HSD17B4: variants seen among roughly 807,000 people sequenced by gnomAD.
The protein encoded by HSD17B4 is peroxisomal multifunctional enzyme type 2.
In HSD17B4, 70 loss-of-function variants were observed where a neutral mutation model predicts 101.0. The observed-to-expected ratio is 0.69, with a 90% CI of 0.57 to 0.85. HSD17B4 has a LOEUF of 0.85. HSD17B4 is among the 40% of genes least tolerant of loss of function. The pLI is 0.00. For missense variants in HSD17B4, 984 were observed against 892.4 expected, an observed-to-expected ratio of 1.10 and a Z score of -1.31; for synonymous variants, 347 against 297.1, an observed-to-expected ratio of 1.17 and a Z score of -1.73.
chr5:119,495,480 C>T (rs1750553349), intron 11 of HSD17B4, among the ~76,000 whole-genome samples: 1 of 152,062 alleles, frequency 6.6e-6, no homozygotes, highest in Non-Finnish European at 1.5e-5. Flanking sequence ...CTAAACTAGC[C>T]AGTGTTTGAG....
intron 2 of HSD17B4, among the ~76,000 whole-genome samples, chr5:119,469,991 C>T (rs894650181): frequency 4.6e-5 from 7 of 152,162 alleles, no homozygotes; most frequent in South Asian, 2.1e-4. Flanking sequence ...GGTAGATCCT[C>T]CATGGGAGGG....
At chr5:119,472,819 T>C (rs548871272) in intron 2 of HSD17B4, among the ~76,000 whole-genome samples, 12 of 152,360 alleles carry the variant, frequency 7.9e-5, no homozygotes, top group African/African-American at 2.2e-4. Context: ...CATTCTATTT[T>C]GTGATTCTAT....
chr5:119,538,576 T>C (rs1754723647), intron 23 of HSD17B4, among the ~76,000 whole-genome samples: 1 of 152,198 alleles, frequency 6.6e-6, no homozygotes, highest in African/African-American at 2.4e-5. Flanking sequence ...AAAATCCAAG[T>C]TAGCTGTTAC....
At chr5:119,502,396 GT>G (rs1366651443) in intron 14 of HSD17B4, among the ~76,000 whole-genome samples, 22 of 152,010 alleles carry the variant, frequency 1.4e-4, no homozygotes, top group Non-Finnish European at 2.9e-4. Flanking sequence ...CATATAATCT[GT>G]TATGGTTCTT....
intron 2 of HSD17B4, among the ~76,000 whole-genome samples, chr5:119,457,307 C>G (rs1349656009): frequency 2.0e-5 from 3 of 152,168 alleles, no homozygotes; most frequent in Non-Finnish European, 4.4e-5. Context: ...GACATCTTAA[C>G]GAGGCAATAC....
At chr5:119,507,034 T>A in intron 15 of HSD17B4, 145 bp downstream of exon 15, 1 of 537,570 alleles carries the variant, frequency 1.9e-6, no homozygotes, top group South Asian at 2.1e-5. Context: ...TTAAACTCTT[T>A]AAGAAAAATA....
chr5:119,518,586 G>A (rs1161260167), intron 17 of HSD17B4, among the ~76,000 whole-genome samples: 3 of 152,182 alleles, frequency 2.0e-5, no homozygotes, highest in Non-Finnish European at 4.4e-5. Flanking sequence ...AGAGCATGAC[G>A]TGTGTATAAG....
chr5:119,465,684 A>G (rs1349975226), intron 2 of HSD17B4, among the ~76,000 whole-genome samples: 1 of 152,234 alleles, frequency 6.6e-6, no homozygotes, highest in Non-Finnish European at 1.5e-5. Flanking sequence ...CTATTCTGCA[A>G]CTTTACTGTA....
At chr5:119,537,293 T>A (rs992135461) in intron 23 of HSD17B4, among the ~76,000 whole-genome samples, 1 of 152,172 alleles carries the variant, frequency 6.6e-6, no homozygotes, top group Non-Finnish European at 1.5e-5. Context: ...TAAAAAGTAG[T>A]CTTTGGCATC....
intron 2 of HSD17B4, among the ~76,000 whole-genome samples, chr5:119,460,049 G>A (rs1336555508): frequency 6.7e-6 from 1 of 149,080 alleles, no homozygotes; most frequent in Non-Finnish European, 1.5e-5. Context: ...TTTTTTTTTT[G>A]TATTTTTAGT....
chr5:119,468,319 A>G (rs1756016230), intron 2 of HSD17B4, among the ~76,000 whole-genome samples: 1 of 151,676 alleles, frequency 6.6e-6, no homozygotes, highest in South Asian at 2.1e-4. Context: ...AAATTCTCTC[A>G]GTTTTTTCTT....
intron 2 of HSD17B4, among the ~76,000 whole-genome samples, chr5:119,464,970 A>G (rs1755669779): frequency 6.7e-6 from 1 of 149,480 alleles, no homozygotes; most frequent in African/African-American, 2.5e-5. Context: ...TTTGCTCAGT[A>G]TTGCTTTGGT....
chr5:119,498,986 A>G (rs1325736508), intron 12 of HSD17B4, among the ~76,000 whole-genome samples: 1 of 152,162 alleles, frequency 6.6e-6, no homozygotes, highest in Non-Finnish European at 1.5e-5. Context: ...CTTACAAGCA[A>G]TTTACTATCC....
At chr5:119,498,613 C>T (rs1750863562) in intron 12 of HSD17B4, among the ~76,000 whole-genome samples, 1 of 152,218 alleles carries the variant, frequency 6.6e-6, no homozygotes, top group South Asian at 2.1e-4. Context: ...CGCAGTGGCT[C>T]ACGCCTGTAA....
intron 15 of HSD17B4, 53 bp from the exon 16 acceptor site, chr5:119,509,088 G>A (rs1398232054): frequency 3.1e-6 from 3 of 969,718 alleles, no homozygotes; most frequent in Middle Eastern, 2.9e-4. Flanking sequence ...TGGTTAACTA[G>A]TTATGCCTTT....
In HSD17B4 at chr5:119,529,944, A is replaced by C; in HGVS notation, c.1818A>C (p.Ala606=). ...TTTCAAATGCATATGTGGATCTTGCACCAACATCTGGTACTTCAGCTAAGA... is the reference window on the plus strand; with the variant it reads ...TTTCAAATGCATATGTGGATCTTGCCCCAACATCTGGTACTTCAGCTAAGA... ...IVISNAYVDL[A]PTSGTSAKTP... Residue 606 remains alanine (A), a synonymous_variant, in exon 21 of 24, where the codon GCA becomes GCC. Transcript: ENST00000510025. The C allele has an allele frequency of 6.2e-7, 1 of 1,610,770 alleles. No individual in the cohort carries two copies. The highest frequency in any genetic ancestry group is 1.3e-5 in the African/African-American group (1 of 74,884).
At position 119,496,645 on chromosome 5, in the gene HSD17B4, T is replaced by A; in HGVS notation, c.971T>A (p.Phe324Tyr). The A allele has an allele frequency of 2.6e-6, 4 of 1,556,526 alleles. No individual in the cohort carries two copies. Among genetic ancestry groups the A allele is most frequent in the Non-Finnish European group, 3.5e-6 (4 of 1,127,432 alleles). The change falls in exon 12 of 24, where the codon TTT (phenylalanine) becomes TAT (tyrosine). Residue 324 changes from phenylalanine to tyrosine, a missense_variant and splice_region_variant. Phe to Tyr is a conservative substitution (Grantham distance 22). Coordinates refer to ENST00000510025, the MANE Select transcript of HSD17B4 (RefSeq NM_000414.4). ...GCAACGTCTACAGCAACATCAGGAT[T>A]TGTAAGTGGGAAAAAAGCCTAAAGC... ...SRATSTATSG[F>Y]AGAIGQKLPP... is the part of the protein sequence containing the mutation.
intron 22 of HSD17B4, among the ~76,000 whole-genome samples, chr5:119,534,848 G>T (rs1483149346): frequency 6.6e-6 from 1 of 152,022 alleles, no homozygotes; most frequent in East Asian, 1.9e-4. Flanking sequence ...AGCAGCTCCT[G>T]ACTGCGTGCT....
intron 2 of HSD17B4, among the ~76,000 whole-genome samples, chr5:119,470,043 G>A (rs565361140): frequency 2.0e-4 from 30 of 152,208 alleles, no homozygotes; most frequent in African/African-American, 7.0e-4. Flanking sequence ...GTCCATATGG[G>A]GCACATGTGG....
Sources: gnomAD v4.1 joint callset for allele counts (sites outside exome capture counted in the v4.1 genomes callset) on GRCh38, gnomAD v4.1.1 for gene constraint, MANE v1.5 for transcripts, NCBI Gene and HGNC (gene_info 2026-07-23, HGNC 2026-07-21) for gene names.